Variants in FRAS1 observed in about 807,000 individuals in gnomAD.
FRAS1 encodes Fraser extracellular matrix complex subunit 1.
FRAS1 carries 290 observed loss-of-function variants against 435.2 expected under a neutral mutation model. The observed-to-expected ratio is 0.67, with a 90% CI of 0.61 to 0.73. The LOEUF (loss-of-function observed/expected upper bound fraction) is 0.73. Ranked by LOEUF, FRAS1 falls within the 30% of genes least tolerant of loss-of-function variation. FRAS1 has a pLI of 0.00. For missense variants in FRAS1, 4,860 were observed against 5,001.5 expected (o/e 0.97, Z 0.85); for synonymous variants, 1,800 against 1,851.0 (o/e 0.97, Z 0.71).
chr4:78,426,300 G>C (rs148610136), intron 35 of FRAS1, among the ~76,000 whole-genome samples: 2 of 152,194 alleles, frequency 1.3e-5, no homozygotes, highest in South Asian at 2.1e-4. Context: ...GTAGGTGAAG[G>C]GTTAACAATT....
chr4:78,463,944 A>T, intron 47 of FRAS1, 77 bp from the exon 48 acceptor site: 1 of 1,509,176 alleles, frequency 6.6e-7, no homozygotes, highest in South Asian at 1.1e-5. Flanking sequence ...TGGTGAGAGT[A>T]TGACACTTCC....
At chr4:78,403,795 T>C (rs1732998002) in intron 30 of FRAS1, among the ~76,000 whole-genome samples, 1 of 152,196 alleles carries the variant, frequency 6.6e-6, no homozygotes, top group Non-Finnish European at 1.5e-5. Flanking sequence ...CTACCGAACA[T>C]CATAGCTTAG....
chr4:78,411,957 G>A (rs1395338808), intron 31 of FRAS1, among the ~76,000 whole-genome samples: 1 of 152,068 alleles, frequency 6.6e-6, no homozygotes, highest in African/African-American at 2.4e-5. Context: ...TAAAAAAGGG[G>A]ATAATAATAT....
At chr4:78,269,122 C>G (rs1247028072) in intron 9 of FRAS1, among the ~76,000 whole-genome samples, 1 of 152,212 alleles carries the variant, frequency 6.6e-6, no homozygotes, top group Non-Finnish European at 1.5e-5. Flanking sequence ...ATATGCCATA[C>G]TTCTGTTGAC....
In FRAS1 at chr4:78,077,833, T is replaced by C. The variant is rs563263008; in HGVS notation, c.108+11817T>C. On this transcript the variant is annotated intron_variant, in intron 2 of 73. Coordinates refer to ENST00000512123, the MANE Select transcript of FRAS1 (RefSeq NM_025074.7). ...AACTTTTGAGGAGGAAGAACTTTCT[T>C]TTTTGTTTTTTTCTAAGAGAAAATG... is the stretch of plus-strand genomic sequence containing the variant. Among the ~76,000 whole-genome samples, 12 of 152,230 alleles carry C rather than the reference T, an allele frequency of 7.9e-5. No individual in the cohort carries two copies. In the East Asian group the frequency reaches 1.7e-3, roughly 22 times the overall value.
rs1560546118 is a variant in FRAS1, at chr4:78,140,711, G to GTATATACATA, written c.108+74696_108+74697insATATACATAT. Among the ~76,000 whole-genome samples, 440 of 80,392 alleles carry GTATATACATA rather than the reference G, an allele frequency of 5.5e-3. 23 individuals carry two copies. Among genetic ancestry groups the GTATATACATA allele is most frequent in the African/African-American group, 0.032 (421 of 12,980 alleles). 52.7% of individuals were successfully genotyped at this position (80,392 alleles called of 152,430 possible). ...TATACATATGTGTATATGCATATAC[G>GTATATACATA]TGTGTGTATATGTATATACGTGTGT... On this transcript the variant is annotated intron_variant, in intron 2 of 73. Transcript: ENST00000512123.
At chr4:78,158,693 A>C (rs1720996936) in intron 2 of FRAS1, among the ~76,000 whole-genome samples, 2 of 152,208 alleles carry the variant, frequency 1.3e-5, no homozygotes, top group African/African-American at 4.8e-5. Flanking sequence ...ACTGCAATAA[A>C]TAGCCTCCAA....
intron 2 of FRAS1, among the ~76,000 whole-genome samples, chr4:78,077,843 T>C (rs1298998612): frequency 6.6e-6 from 1 of 152,084 alleles, no homozygotes; most frequent in Non-Finnish European, 1.5e-5. Context: ...TTTTTGTTTT[T>C]TTCTAAGAGA....
intron 3 of FRAS1, among the ~76,000 whole-genome samples, chr4:78,244,645 A>G (rs1363147250): frequency 3.3e-5 from 5 of 152,120 alleles, no homozygotes; most frequent in African/African-American, 4.8e-5. Context: ...AAGAAACACA[A>G]TTGCAATTAT....
chr4:78,444,961 G>T (rs1718746937), intron 41 of FRAS1, among the ~76,000 whole-genome samples: 1 of 152,198 alleles, frequency 6.6e-6, no homozygotes, highest in Non-Finnish European at 1.5e-5. Context: ...CCCATGCAGA[G>T]GTTCCCTTAA....
chr4:78,286,713 A>G (rs1352241759), intron 14 of FRAS1, among the ~76,000 whole-genome samples, 174 bp downstream of exon 14: 3 of 152,198 alleles, frequency 2.0e-5, no homozygotes, highest in Non-Finnish European at 4.4e-5. Context: ...GAAATGATAC[A>G]TGTTGAGATG....
chr4:78,279,463 A>G (rs1434379451), intron 10 of FRAS1, among the ~76,000 whole-genome samples: 1 of 152,150 alleles, frequency 6.6e-6, no homozygotes, highest in African/African-American at 2.4e-5. Flanking sequence ...GAGGTAGGCA[A>G]CCTGGTTGGT....
intron 4 of FRAS1, 24 bp from the exon 5 acceptor site, chr4:78,252,368 T>G (rs1725573798): frequency 6.2e-7 from 1 of 1,601,106 alleles, no homozygotes; most frequent in Admixed American, 1.7e-5. Context: ...AACCTTTTTT[T>G]TTTTCTGTCT....
At chr4:78,115,376 A>G (rs957083132) in intron 2 of FRAS1, among the ~76,000 whole-genome samples, 26 of 152,038 alleles carry the variant, frequency 1.7e-4, no homozygotes, top group African/African-American at 6.3e-4. Flanking sequence ...CTCTTTTTCT[A>G]TTGATTGGAA....
chr4:78,363,845 G>C, intron 21 of FRAS1, 63 bp from the exon 22 acceptor site: 1 of 1,548,520 alleles, frequency 6.5e-7, no homozygotes, highest in South Asian at 1.2e-5. Flanking sequence ...CCCACACTTG[G>C]GGTGCTGCTT....
intron 25 of FRAS1, 74 bp from the exon 26 acceptor site, chr4:78,375,665 G>A (rs1578283499): frequency 7.5e-7 from 1 of 1,340,188 alleles, no homozygotes. Context: ...GACTCTTCTG[G>A]TTGCAAGCCC....
At chr4:78,398,195 T>C (rs1310077329) in intron 29 of FRAS1, among the ~76,000 whole-genome samples, 1 of 152,222 alleles carries the variant, frequency 6.6e-6, no homozygotes, top group African/African-American at 2.4e-5. Flanking sequence ...AATGGAGGCA[T>C]ATGTATTACC....
At chr4:78,143,740 AAT>A (rs60488021) in intron 2 of FRAS1, among the ~76,000 whole-genome samples, 12,744 of 137,740 alleles carry the variant, frequency 0.093, 816 homozygotes, top group African/African-American at 0.17. Context: ...TACTAAAAAT[AAT>A]AAAAAAAAAA....
intron 40 of FRAS1, 56 bp downstream of exon 40, chr4:78,439,120 G>A: frequency 1.4e-6 from 2 of 1,428,464 alleles, no homozygotes; most frequent in African/African-American, 2.9e-5. Flanking sequence ...GGAATCCGTA[G>A]TAATGTAAAT....
Sources: gnomAD v4.1 joint callset for allele counts (sites outside exome capture counted in the v4.1 genomes callset) on GRCh38, gnomAD v4.1.1 for gene constraint, MANE v1.5 for transcripts, NCBI Gene and HGNC (gene_info 2026-07-23, HGNC 2026-07-21) for gene names.